MAP6D1: variants seen among roughly 807,000 people sequenced by gnomAD.
The protein encoded by MAP6D1 is MAP6 domain-containing protein 1.
Under a neutral mutation model 17.4 loss-of-function variants are expected in MAP6D1, and 13 were observed. That is an observed-to-expected ratio of 0.75 (90% CI 0.49 to 1.19). MAP6D1 has a LOEUF of 1.19. MAP6D1 is among the 50% of genes most tolerant of loss of function. The probability of loss-of-function intolerance (pLI) is 0.00; values close to 1 mark genes in which losing one functional copy is unlikely to be tolerated. For missense variants in MAP6D1, 313 were observed against 312.6 expected (o/e 1.00, Z -0.01); for synonymous variants, 141 against 145.7 (o/e 0.97, Z 0.23).
rs1417522187 is a variant in MAP6D1, at chr3:183,817,187, C to T, written c.*169G>A. 5 of 632,714 alleles carry T rather than the reference C, an allele frequency of 7.9e-6. No individual in the cohort carries two copies. The highest frequency in any genetic ancestry group is 5.5e-5 in the African/African-American group (3 of 54,692). The allele number at this position is 632,714 out of a possible 1,614,324, so 39.2% of individuals were successfully genotyped here. A position where few individuals can be genotyped will look rare whatever the true frequency, so the allele number is the denominator to read the frequency against. ...GCTGAGCTGGGTGTGCCAAGTCCAT[C>T]GGTGCATCTGCTCCACACCAGCACT... On this transcript the variant is annotated 3_prime_UTR_variant, in exon 3 of 3. Coordinates refer to ENST00000318631, the MANE Select transcript of MAP6D1 (RefSeq NM_024871.4).
At chr3:183,817,717 C>T (rs564571159) in intron 2 of MAP6D1, among the ~76,000 whole-genome samples, 1 of 152,254 alleles carries the variant, frequency 6.6e-6, no homozygotes, top group South Asian at 2.1e-4. Flanking sequence ...TACACAAATG[C>T]TGTGGTACTC....
In MAP6D1 at chr3:183,816,957, C is replaced by G. The variant is rs564962900; in HGVS notation, c.*399G>C. The G allele has an allele frequency of 4.5e-6, 1 of 222,872 alleles. No homozygotes were observed. The highest frequency in any genetic ancestry group is 2.4e-5 in the African/African-American group (1 of 42,482). 13.8% of individuals were successfully genotyped at this position (222,872 alleles called of 1,614,324 possible). A position where few individuals can be genotyped will look rare whatever the true frequency, so the allele number is the denominator to read the frequency against. On this transcript the variant is annotated 3_prime_UTR_variant, in exon 3 of 3. Coordinates refer to ENST00000318631, the MANE Select transcript of MAP6D1 (RefSeq NM_024871.4). ...GGTTATGAAATTAATCAAGTGCTCA[C>G]GCATCCTGGGAAATCCACCAAAAGT...
At chr3:183,822,764 G>T (rs2108563703) in intron 1 of MAP6D1, among the ~76,000 whole-genome samples, 1 of 152,348 alleles carries the variant, frequency 6.6e-6, no homozygotes, top group Middle Eastern at 3.4e-3. Flanking sequence ...AGACTAGCCA[G>T]CTGGAGGGGC....
intron 1 of MAP6D1, 98 bp from the exon 2 acceptor site, chr3:183,818,209 A>G (rs564686134): frequency 2.0e-6 from 2 of 982,000 alleles, no homozygotes; most frequent in Admixed American, 1.9e-5. Flanking sequence ...GGCCCTGCCA[A>G]TTGCTGAAAC....
In MAP6D1 at chr3:183,817,401, G is replaced by T; in HGVS notation, c.555C>A (p.Pro185=). Residue 185 remains proline, a synonymous_variant, in exon 3 of 3, where the codon CCC becomes CCA. Coordinates refer to ENST00000318631, the MANE Select transcript of MAP6D1 (RefSeq NM_024871.4). The stretch of plus-strand genomic sequence containing the variant: ...GAGCTGAGGCCTGAAAGATGGCGGA[G>T]GGGTTAGGAGTGAACTTCTTCCTCA... ...PEVRKKFTPN[P]SAIFQASAPR... 1 of 1,570,172 alleles carries T rather than the reference G, an allele frequency of 6.4e-7. No homozygotes were observed. Among genetic ancestry groups the T allele is most frequent in the Non-Finnish European group, 8.6e-7 (1 of 1,157,364 alleles).
chr3:183,822,409 C>T lies in MAP6D1; in HGVS notation c.401+2738G>A, dbSNP rs374859836. Among the ~76,000 whole-genome samples the T allele has an allele frequency of 4.6e-5, 7 of 152,210 alleles. No individual in the cohort carries two copies. The East Asian group carries it at 7.7e-4, about 17-fold the overall frequency. Reference sequence around the variant, plus strand: ...TGAACTGAGATCATGTCCCTGCACTCCAGCCTGGGCAACAGCAGCAACAAC... The same window carrying T: ...TGAACTGAGATCATGTCCCTGCACTTCAGCCTGGGCAACAGCAGCAACAAC... On this transcript the variant is annotated intron_variant, in intron 1 of 2. Coordinates refer to ENST00000318631, the MANE Select transcript of MAP6D1 (RefSeq NM_024871.4).
In MAP6D1 at chr3:183,817,335, A is replaced by G. The variant is rs1410492802; in HGVS notation, c.*21T>C. On this transcript the variant is annotated 3_prime_UTR_variant, in exon 3 of 3. Coordinates refer to ENST00000318631, the MANE Select transcript of MAP6D1 (RefSeq NM_024871.4). ...CCCCAGCCCTGTCCTGTCGGCAGCC[A>G]TGGTGTCACGGTGCAGGCAGTCACA... 20 of 1,556,480 alleles carry G rather than the reference A, an allele frequency of 1.3e-5. No individual in the cohort carries two copies. Among genetic ancestry groups the G allele is most frequent in the Non-Finnish European group, 1.7e-5 (19 of 1,150,032 alleles).
At chr3:183,818,339 G>A (rs917982110) in intron 1 of MAP6D1, among the ~76,000 whole-genome samples, 5 of 152,196 alleles carry the variant, frequency 3.3e-5, no homozygotes, top group Admixed American at 6.5e-5. Context: ...TCACCTCAGC[G>A]ATCCACTGGG....
intron 1 of MAP6D1, among the ~76,000 whole-genome samples, chr3:183,819,203 G>A (rs886863468): frequency 1.7e-4 from 26 of 152,386 alleles, no homozygotes; most frequent in Admixed American, 4.6e-4. Flanking sequence ...GGCAGGCTGC[G>A]TGGGCAGGGA....
At chr3:183,821,158 C>T (rs975502480) in intron 1 of MAP6D1, among the ~76,000 whole-genome samples, 1 of 151,978 alleles carries the variant, frequency 6.6e-6, no homozygotes, top group African/African-American at 2.4e-5. Flanking sequence ...GAGGTAAGAA[C>T]CCCAACAAGC....
In MAP6D1 at chr3:183,825,339, T is replaced by C; in HGVS notation, c.209A>G (p.Gln70Arg). ...CGTGGTCCACAAGCCGAAGTCCCGC[T>C]GGTACTGAGTGAGCGGCACGTCCCG... ...SGRDVPLTQY[Q>R]RDFGLWTTPA... The change falls in exon 1 of 3, where the codon CAG (glutamine) becomes CGG (arginine). Residue 70 changes from glutamine to arginine, a missense_variant. Gln to Arg is a conservative substitution (Grantham distance 43). Coordinates refer to ENST00000318631, the MANE Select transcript of MAP6D1 (RefSeq NM_024871.4). 1 of 1,425,722 alleles carries C rather than the reference T, an allele frequency of 7.0e-7. No individual in the cohort carries two copies. The allele number at this position is 1,425,722 out of a possible 1,614,324, so 88.3% of individuals were successfully genotyped here. A position where few individuals can be genotyped will look rare whatever the true frequency, so the allele number is the denominator to read the frequency against.
Position 183,816,476 on chromosome 3 carries a change from C to G in MAP6D1, c.*880G>C, listed in dbSNP as rs1318353154. The G allele has an allele frequency of 6.6e-6, 1 of 152,274 alleles. No homozygotes were observed. The highest frequency in any genetic ancestry group is 1.5e-5 in the Non-Finnish European group (1 of 68,126). The allele number at this position is 152,274 out of a possible 1,614,324, so 9.4% of individuals were successfully genotyped here. A position where few individuals can be genotyped will look rare whatever the true frequency, so the allele number is the denominator to read the frequency against. ...GCTTTGCAAAGAAAATGAACTGCCT[C>G]TTCAAAAGGTGGTGAGTTCCCCGTC... On this transcript the variant is annotated 3_prime_UTR_variant, in exon 3 of 3. Coordinates refer to ENST00000318631, the MANE Select transcript of MAP6D1 (RefSeq NM_024871.4).
chr3:183,825,304 G>T lies in MAP6D1; in HGVS notation c.244C>A (p.Pro82Thr). The T allele has an allele frequency of 7.5e-7, 1 of 1,341,042 alleles. No homozygotes were observed. The allele number at this position is 1,341,042 out of a possible 1,614,324, so 83.1% of individuals were successfully genotyped here. A position where few individuals can be genotyped will look rare whatever the true frequency, so the allele number is the denominator to read the frequency against. ...DFGLWTTPAGPKDPPPGRGPG... is the reference protein window; with the variant it reads ...DFGLWTTPAGTKDPPPGRGPG... ...CCGCGCCCCGGCGGCGGATCCTTGG[G>T]CCCGGCGGGCGTGGTCCACAAGCCG... Residue 82 changes from proline (P) to threonine (T), a missense_variant, in exon 1 of 3, where the codon CCC (proline) becomes ACC (threonine). Pro to Thr is a conservative substitution (Grantham distance 38). Coordinates refer to ENST00000318631, the MANE Select transcript of MAP6D1 (RefSeq NM_024871.4).
In MAP6D1 at chr3:183,825,193, G is replaced by T; in HGVS notation, c.355C>A (p.Pro119Thr). 1 of 1,459,826 alleles carries T rather than the reference G, an allele frequency of 6.9e-7. No homozygotes were observed. Among genetic ancestry groups the T allele is most frequent in the Non-Finnish European group, 9.1e-7 (1 of 1,103,338 alleles). The allele number at this position is 1,459,826 out of a possible 1,614,324, so 90.4% of individuals were successfully genotyped here. A position where few individuals can be genotyped will look rare whatever the true frequency, so the allele number is the denominator to read the frequency against. The change falls in exon 1 of 3, where the codon CCC (proline) becomes ACC (threonine). Residue 119 changes from proline to threonine, a missense_variant. Transcript: ENST00000318631. ...APGARGVYVLPIGDADAAAAV... is the reference protein window; with the variant it reads ...APGARGVYVLTIGDADAAAAV... Reference sequence around the variant, plus strand: ...GCAGCCGCGTCCGCGTCGCCGATGGGCAGCACGTAGACCCCGCGGGCGCCG... The same window carrying T: ...GCAGCCGCGTCCGCGTCGCCGATGGTCAGCACGTAGACCCCGCGGGCGCCG...
chr3:183,819,768 C>T (rs900572626), intron 1 of MAP6D1, among the ~76,000 whole-genome samples: 1 of 152,238 alleles, frequency 6.6e-6, no homozygotes, highest in Non-Finnish European at 1.5e-5. Context: ...CCTCAACTTC[C>T]CTGAGCCTCA....
At position 183,816,320 on chromosome 3, in the gene MAP6D1, T is replaced by A. The variant is rs1727101426; in HGVS notation, c.*1036A>T. On this transcript the variant is annotated 3_prime_UTR_variant, in exon 3 of 3. Coordinates refer to ENST00000318631, the MANE Select transcript of MAP6D1 (RefSeq NM_024871.4). ...TCCAAAGGGAAATCCACAAATTTCC[T>A]TACTGAAGACTGTCCTGAGCTTGTA... 1 of 152,268 alleles carries A rather than the reference T, an allele frequency of 6.6e-6. No homozygotes were observed. Among genetic ancestry groups the A allele is most frequent in the Admixed American group, 6.5e-5 (1 of 15,284 alleles). The allele number at this position is 152,268 out of a possible 1,614,324, so 9.4% of individuals were successfully genotyped here. A position where few individuals can be genotyped will look rare whatever the true frequency, so the allele number is the denominator to read the frequency against.
At chr3:183,817,603 TG>T (rs1274158075) in intron 2 of MAP6D1, among the ~76,000 whole-genome samples, 167 bp from the exon 3 acceptor site, 8 of 152,136 alleles carry the variant, frequency 5.3e-5, no homozygotes, top group African/African-American at 1.7e-4. Context: ...TAGGCGTCAC[TG>T]CATTAGCAGC....
chr3:183,820,450 TTC>T (rs1727218056), intron 1 of MAP6D1: 2 of 152,226 alleles, frequency 1.3e-5, no homozygotes, highest in Non-Finnish European at 2.9e-5. Flanking sequence ...ATTCCTGCTT[TTC>T]GGATGAAGAA....
chr3:183,819,573 G>A (rs1727198386), intron 1 of MAP6D1, among the ~76,000 whole-genome samples: 1 of 152,214 alleles, frequency 6.6e-6, no homozygotes, highest in Non-Finnish European at 1.5e-5. Flanking sequence ...AGATGGAATG[G>A]GCAGGACCCG....
Sources: allele counts gnomAD v4.1 joint callset (sites outside exome capture counted in the v4.1 genomes callset), GRCh38; gene constraint gnomAD v4.1.1; transcripts MANE v1.5; gene names NCBI Gene and HGNC (gene_info 2026-07-23, HGNC 2026-07-21).